ARSF: variants seen among roughly 807,000 people sequenced by gnomAD.
ARSF encodes the protein arylsulfatase F.
A neutral mutation model predicts 35.4 loss-of-function variants in ARSF; 33 were observed. The ratio of observed to expected loss-of-function variants is 0.93; its 90% CI spans 0.71 to 1.25. The LOEUF is 1.25. ARSF is among the 50% of genes most tolerant of loss of function. The pLI is 0.00. For missense variants in ARSF, 501 were observed against 480.2 expected (o/e 1.04, Z -0.40); for synonymous variants, 222 against 193.1 (o/e 1.15, Z -1.24).
chrX:3,099,939 G>A (rs1386944683), intron 7 of ARSF, among the ~76,000 whole-genome samples: 1 of 111,881 alleles, frequency 8.9e-6, no homozygotes, highest in Non-Finnish European at 1.9e-5. Flanking sequence ...CTTTAGGAAT[G>A]TTAATGTAAT....
At chrX:3,108,535 T>C (rs1036207710) in intron 9 of ARSF, among the ~76,000 whole-genome samples, 4 of 111,979 alleles carry the variant, frequency 3.6e-5, no homozygotes, top group Non-Finnish European at 7.5e-5. Context: ...TGCTTTCTCA[T>C]GTTATAGTAC....
At chrX:3,081,051 G>A in intron 5 of ARSF, 38 bp downstream of exon 5, 1 of 1,194,972 alleles carries the variant, frequency 8.4e-7, no homozygotes, top group South Asian at 1.8e-5. Flanking sequence ...TTGATCATAA[G>A]GTAATCATGT....
chrX:3,098,944 A>C (rs905128101), intron 7 of ARSF, among the ~76,000 whole-genome samples: 2 of 109,999 alleles, frequency 1.8e-5, no homozygotes, highest in African/African-American at 6.6e-5. Context: ...AAGAAGAGTA[A>C]AAACAACTCC....
chrX:3,078,332 A>G (rs2090169495), intron 4 of ARSF, among the ~76,000 whole-genome samples: 1 of 109,824 alleles, frequency 9.1e-6, no homozygotes, highest in African/African-American at 3.3e-5. Context: ...TGGAACCACA[A>G]GTGTGCACCA....
At chrX:3,050,318 C>T (rs1603463979) in intron 1 of ARSF, among the ~76,000 whole-genome samples, 1 of 109,653 alleles carries the variant, frequency 9.1e-6, no homozygotes, top group Middle Eastern at 4.6e-3. Flanking sequence ...CCAAGGCAGG[C>T]GGATCATCTG....
At chrX:3,042,042 AT>A (rs1333684719) in intron 1 of ARSF, among the ~76,000 whole-genome samples, 1 of 112,357 alleles carries the variant, frequency 8.9e-6, no homozygotes, top group Non-Finnish European at 1.9e-5. Flanking sequence ...AAAATTTGGC[AT>A]AAGGCTTACA....
chrX:3,102,647 G>A (rs1435943069), intron 8 of ARSF, among the ~76,000 whole-genome samples: 1 of 112,276 alleles, frequency 8.9e-6, no homozygotes, highest in Non-Finnish European at 1.9e-5. Flanking sequence ...AAAATTTTTG[G>A]CTCATGCCTG....
intron 9 of ARSF, among the ~76,000 whole-genome samples, chrX:3,106,005 A>G (rs2090408875): frequency 8.9e-6 from 1 of 111,882 alleles, no homozygotes; most frequent in African/African-American, 3.2e-5. Flanking sequence ...TCACGTTAAA[A>G]AGAAGAACGA....
intron 8 of ARSF, among the ~76,000 whole-genome samples, chrX:3,102,829 G>A (rs181501882): frequency 4.6e-5 from 5 of 109,071 alleles, no homozygotes; most frequent in Admixed American, 9.8e-5. Context: ...GGAGAATGGC[G>A]TGAACCCAGG....
Position 3,076,638 on chromosome X carries a change from G to A in ARSF, c.252G>A (p.Ala84=), listed in dbSNP as rs140752032. ...CCCTCTGCAGCCCAAGCCGGTCCGCGTTCTTGACGGGAAGATACCCCATCC... is the reference window on the plus strand; with the variant it reads ...CCCTCTGCAGCCCAAGCCGGTCCGCATTCTTGACGGGAAGATACCCCATCC... ...AASLCSPSRS[A]FLTGRYPIRS... is the part of the protein sequence containing the mutation. The change falls in exon 4 of 11, where the codon GCG becomes GCA. Residue 84 remains alanine (A), a synonymous_variant. Coordinates refer to ENST00000381127, the MANE Select transcript of ARSF (RefSeq NM_001201539.2). The A allele has an allele frequency of 4.1e-3, 4,961 of 1,209,925 alleles. 12 individuals carry two copies. The highest frequency in any genetic ancestry group is 7.8e-3 in the Middle Eastern group (34 of 4,353).
chrX:3,092,894 C>T (rs772719251), intron 7 of ARSF, among the ~76,000 whole-genome samples: 82 of 112,118 alleles, frequency 7.3e-4, no homozygotes, highest in Non-Finnish European at 1.1e-3. Flanking sequence ...CATAGGTGGC[C>T]GGGCGCGGTG....
intron 10 of ARSF, among the ~76,000 whole-genome samples, chrX:3,111,062 C>T (rs754345344): frequency 1.8e-5 from 2 of 111,397 alleles, no homozygotes; most frequent in South Asian, 7.5e-4. Flanking sequence ...AGCCCAAGAA[C>T]CAGCCTTGAG....
chrX:3,085,499 G>A (rs778287591), intron 6 of ARSF, among the ~76,000 whole-genome samples: 8 of 109,475 alleles, frequency 7.3e-5, no homozygotes, highest in Middle Eastern at 4.7e-3. Context: ...GATACGTAAG[G>A]GCTATTTCAT....
chrX:3,076,555 C>T lies in ARSF; in HGVS notation c.169C>T (p.His57Tyr), dbSNP rs777896734. 3 of 1,202,069 alleles carry T rather than the reference C, an allele frequency of 2.5e-6. No homozygotes were observed. In the East Asian group the frequency reaches 9.0e-5, roughly 36 times the overall value. ...TTCCCTCTCCCCCTTCAGGACGCCTCACATCGACCGCCTTGCCAGGGAAGG... is the reference window on the plus strand; with the variant it reads ...TTCCCTCTCCCCCTTCAGGACGCCTTACATCGACCGCCTTGCCAGGGAAGG... ...CYGNDTMRTPHIDRLAREGVR... is the reference protein window; with the variant it reads ...CYGNDTMRTPYIDRLAREGVR... The change falls in exon 4 of 11, where the codon CAC (histidine) becomes TAC (tyrosine). Residue 57 changes from histidine to tyrosine, a missense_variant. Physicochemically the swap from His to Tyr is moderately conservative, Grantham distance 83 (BLOSUM62 2). Transcript: ENST00000381127.
chrX:3,085,642 A>C (rs929058602), intron 6 of ARSF, among the ~76,000 whole-genome samples: 1 of 110,861 alleles, frequency 9.0e-6, no homozygotes, highest in Non-Finnish European at 1.9e-5. Flanking sequence ...AAGCCTGTAA[A>C]CACATTTTTT....
chrX:3,103,419 A>T (rs1360195159), intron 8 of ARSF, among the ~76,000 whole-genome samples: 1 of 110,636 alleles, frequency 9.0e-6, no homozygotes, highest in Non-Finnish European at 1.9e-5. Context: ...AATATTAATT[A>T]AAAAAAATAT....
chrX:3,043,301 T>G (rs1414995563), intron 1 of ARSF, among the ~76,000 whole-genome samples: 23 of 112,373 alleles, frequency 2.0e-4, no homozygotes, highest in Admixed American at 2.0e-3. Flanking sequence ...GTATATGGTC[T>G]GTGCAAGTCA....
intron 9 of ARSF, among the ~76,000 whole-genome samples, chrX:3,108,297 T>C (rs2090423045): frequency 8.9e-6 from 1 of 112,282 alleles, no homozygotes; most frequent in African/African-American, 3.2e-5. Flanking sequence ...TATTTTCCCA[T>C]GTAAATTTTG....
At chrX:3,078,689 G>A (rs1277381161) in intron 4 of ARSF, among the ~76,000 whole-genome samples, 1 of 110,458 alleles carries the variant, frequency 9.1e-6, no homozygotes, top group East Asian at 2.9e-4. Flanking sequence ...TGGTAGAGAT[G>A]GGGTCTCACC....
Sources: gnomAD v4.1 joint callset for allele counts (sites outside exome capture counted in the v4.1 genomes callset) on GRCh38, gnomAD v4.1.1 for gene constraint, MANE v1.5 for transcripts, NCBI Gene and HGNC (gene_info 2026-07-23, HGNC 2026-07-21) for gene names.